PIEZO2: variants seen among roughly 807,000 people sequenced by gnomAD.
PIEZO2 encodes piezo-type mechanosensitive ion channel component 2.
Under a neutral mutation model 337.3 loss-of-function variants are expected in PIEZO2, and 172 were observed. That is an observed-to-expected ratio of 0.51 (90% CI 0.45 to 0.58). The LOEUF (loss-of-function observed/expected upper bound fraction) is 0.58. Among genes scored for constraint, PIEZO2 ranks in the 20% least tolerant of loss-of-function variants. The pLI, the probability that PIEZO2 is intolerant of heterozygous loss-of-function variation, is 0.00. For missense variants in PIEZO2, 3,028 were observed against 3,391.3 expected (o/e 0.89, Z 2.66); for synonymous variants, 1,251 against 1,228.5 (o/e 1.02, Z -0.38).
At chr18:10,696,026 A>G (rs760384542) in intron 47 of PIEZO2, 48 bp downstream of exon 47, 39 of 1,538,952 alleles carry the variant, frequency 2.5e-5, no homozygotes, top group Non-Finnish European at 3.4e-5. Flanking sequence ...CTCAGGAAAC[A>G]CAGTTGCATG....
chr18:11,025,198 G>T (rs538490067), intron 2 of PIEZO2, among the ~76,000 whole-genome samples: 2 of 152,196 alleles, frequency 1.3e-5, no homozygotes, highest in South Asian at 4.2e-4. Flanking sequence ...CCGGGAAATG[G>T]AGATGAAAAT....
At position 10,791,257 on chromosome 18, in the gene PIEZO2, T is replaced by A. The variant is rs1224934956; in HGVS notation, c.1826A>T (p.Glu609Val). The stretch of plus-strand genomic sequence containing the variant: ...GACTTCCGATAAAAGAGCTTCCTTT[T>A]CTTGCAGAGCTTTTTGCTCTGTGAG... ...QHLTEQKALQ[E>V]KEALLSEVKI... is the part of the protein sequence containing the mutation. Residue 609 changes from glutamate (E) to valine (V), a missense_variant, in exon 14 of 56, where the codon GAA becomes GTA. By Grantham distance (121) the Glu-to-Val change is moderately radical. Transcript: ENST00000674853. 4 of 1,536,354 alleles carry A rather than the reference T, an allele frequency of 2.6e-6. No homozygotes were observed. In the African/African-American group the frequency reaches 5.5e-5, roughly 21 times the overall value.
At position 10,784,562 on chromosome 18, in the gene PIEZO2, G is replaced by T. The variant is rs1405747169; in HGVS notation, c.2492+222C>A. ...TCTGAATATCTCACAAGACGATCAA[G>T]ATCACTTTACATTAACCAGTCATAA... is the stretch of plus-strand genomic sequence containing the variant. On this transcript the variant is annotated intron_variant, in intron 17 of 55. Coordinates refer to ENST00000674853, the MANE Select transcript of PIEZO2 (RefSeq NM_001378183.1). This position sits in a 1 kb window ranked among gnomAD's most constrained non-coding sequence, Gnocchi z 4.5. Among the ~76,000 whole-genome samples, 1 of 152,192 alleles carries T rather than the reference G, an allele frequency of 6.6e-6. No individual in the cohort carries two copies. Among genetic ancestry groups the T allele is most frequent in the Non-Finnish European group, 1.5e-5 (1 of 68,036 alleles).
At chr18:10,874,809 G>A (rs1471160853) in intron 4 of PIEZO2, among the ~76,000 whole-genome samples, 2 of 152,154 alleles carry the variant, frequency 1.3e-5, no homozygotes, top group African/African-American at 4.8e-5. Context: ...CAAAGGCTGA[G>A]AAGGATGGCA....
chr18:10,869,378 G>T (rs888093831), intron 5 of PIEZO2, among the ~76,000 whole-genome samples: 14 of 152,156 alleles, frequency 9.2e-5, no homozygotes, highest in African/African-American at 3.4e-4. Context: ...ATGACGGGTT[G>T]TTGGTTGCAG....
intron 7 of PIEZO2, among the ~76,000 whole-genome samples, chr18:10,843,930 A>C (rs1598570149): frequency 6.6e-6 from 1 of 152,334 alleles, no homozygotes; most frequent in East Asian, 1.9e-4. Flanking sequence ...CAAAGTGCAA[A>C]GGCTGGTTTA....
Position 10,894,785 on chromosome 18 carries a change from T to A in PIEZO2, c.329+16401A>T, listed in dbSNP as rs1439215992. 1 of 152,264 alleles carries A rather than the reference T, an allele frequency of 6.6e-6. No individual in the cohort carries two copies. The highest frequency in any genetic ancestry group is 2.4e-5 in the African/African-American group (1 of 41,474). 9.4% of individuals were successfully genotyped at this position (152,264 alleles called of 1,614,324 possible). A position where few individuals can be genotyped will look rare whatever the true frequency, so the allele number is the denominator to read the frequency against. Reference sequence around the variant, plus strand: ...GTTTCATTCCTGCTCTAAAGCTTTTTAATAAATGTTCACTCTTGCTCTAAA... The same window carrying A: ...GTTTCATTCCTGCTCTAAAGCTTTTAAATAAATGTTCACTCTTGCTCTAAA... On this transcript the variant is annotated intron_variant, in intron 4 of 55. Transcript: ENST00000674853. The surrounding 1 kb of genome is among the most constrained non-coding windows in gnomAD (Gnocchi z 4.1).
intron 39 of PIEZO2, chr18:10,709,691 A>G (rs1319246201): frequency 4.6e-5 from 7 of 152,246 alleles, no homozygotes; most frequent in Non-Finnish European, 1.0e-4. Context: ...TCACTCATGG[A>G]ACCTGTTAAA....
At chr18:11,024,870 C>A (rs1034201606) in intron 2 of PIEZO2, among the ~76,000 whole-genome samples, 1 of 151,440 alleles carries the variant, frequency 6.6e-6, no homozygotes, top group African/African-American at 2.4e-5. Flanking sequence ...AACTCCTGAT[C>A]TTAGGTGATC....
intron 4 of PIEZO2, among the ~76,000 whole-genome samples, chr18:10,896,056 A>G (rs1170442238): frequency 1.8e-5 from 2 of 111,148 alleles, no homozygotes; most frequent in Non-Finnish European, 3.8e-5. Flanking sequence ...GTGAAATTTC[A>G]TCTCAAAAAA....
chr18:10,858,321 C>CAAAAA (rs11361243), intron 5 of PIEZO2, among the ~76,000 whole-genome samples: 42 of 56,292 alleles, frequency 7.5e-4, no homozygotes, highest in Admixed American at 1.0e-3. Flanking sequence ...GACTTCAACC[C>CAAAAA]AAAAAAAAAA....
At position 10,677,445 on chromosome 18, in the gene PIEZO2, C is replaced by T. The variant is rs145354562; in HGVS notation, c.8081+302G>A. On this transcript the variant is annotated intron_variant, in intron 53 of 55. Coordinates refer to ENST00000674853, the MANE Select transcript of PIEZO2 (RefSeq NM_001378183.1). The surrounding 1 kb of genome is among the most constrained non-coding windows in gnomAD (Gnocchi z 4.1). ...GTTGGTCAGGCTGGTCTTGAACTCCCGACCTCAGGGGATCCACCTGTCTCA... is the reference window on the plus strand; with the variant it reads ...GTTGGTCAGGCTGGTCTTGAACTCCTGACCTCAGGGGATCCACCTGTCTCA... 2.9e-5 allele frequency: 8 copies of T among 275,380 alleles called. No individual in the cohort carries two copies. The highest frequency in any genetic ancestry group is 4.8e-5 in the Non-Finnish European group (7 of 145,502). The allele number at this position is 275,380 out of a possible 1,614,324, so 17.1% of individuals were successfully genotyped here.
intron 35 of PIEZO2, among the ~76,000 whole-genome samples, chr18:10,734,088 G>A (rs1000206919): frequency 2.6e-5 from 4 of 152,188 alleles, no homozygotes; most frequent in African/African-American, 9.7e-5. Flanking sequence ...GTGTGGTCTA[G>A]CACCTTCTTT....
chr18:10,991,187 C>CAT (rs1555688873), intron 2 of PIEZO2, among the ~76,000 whole-genome samples: 8 of 148,300 alleles, frequency 5.4e-5, no homozygotes, highest in South Asian at 4.3e-4. Context: ...CACACACACA[C>CAT]ACATACATAC....
chr18:10,848,914 G>A (rs2041448770), intron 7 of PIEZO2, among the ~76,000 whole-genome samples: 1 of 152,092 alleles, frequency 6.6e-6, no homozygotes, highest in Non-Finnish European at 1.5e-5. Flanking sequence ...AAGTACTTCA[G>A]AACTTTAAAC....
intron 3 of PIEZO2, among the ~76,000 whole-genome samples, chr18:10,967,638 T>C (rs2034066649): frequency 1.3e-5 from 2 of 152,152 alleles, no homozygotes; most frequent in Non-Finnish European, 2.9e-5. Flanking sequence ...GCCATTGTTG[T>C]AGGACTGAAG....
At chr18:10,753,326 C>T (rs1245155657) in intron 27 of PIEZO2, among the ~76,000 whole-genome samples, 4 of 152,228 alleles carry the variant, frequency 2.6e-5, no homozygotes, top group Non-Finnish European at 5.9e-5. Flanking sequence ...TCTTTCCCTA[C>T]AGATGGGAGG....
rs1450748651 is a variant in PIEZO2 at position 10,716,080 on chromosome 18, G to T, written c.5090-264C>A. On this transcript the variant is annotated intron_variant, in intron 37 of 55. Coordinates refer to ENST00000674853, the MANE Select transcript of PIEZO2 (RefSeq NM_001378183.1). This position sits in a 1 kb window ranked among gnomAD's most constrained non-coding sequence, Gnocchi z 4.1. ...GAAACAGAAAGCAGGGCGGCTCCCT[G>T]TGCAGCTGACCCTTGAACATGGGTT... is the stretch of plus-strand genomic sequence containing the variant. Among the ~76,000 whole-genome samples the T allele has an allele frequency of 6.6e-6, 1 of 152,190 alleles. No individual in the cohort carries two copies. The highest frequency in any genetic ancestry group is 1.5e-5 in the Non-Finnish European group (1 of 68,032).
chr18:10,974,945 C>A (rs1179342405), intron 3 of PIEZO2, among the ~76,000 whole-genome samples: 1 of 152,208 alleles, frequency 6.6e-6, no homozygotes, highest in Non-Finnish European at 1.5e-5. Flanking sequence ...GCACACAGAG[C>A]ACAGGGGTCC....
Sources: gnomAD v4.1 joint callset for allele counts (sites outside exome capture counted in the v4.1 genomes callset) on GRCh38, gnomAD v4.1.1 for gene constraint, Gnocchi (gnomAD v3.1) non-coding constraint, MANE v1.5 for transcripts, NCBI Gene and HGNC (gene_info 2026-07-23, HGNC 2026-07-21) for gene names.